The following LRFN2 variants were observed in gnomAD, a reference collection of about 807,000 sequenced individuals.
LRFN2 encodes leucine rich repeat and fibronectin type III domain containing 2, also known as leucine-rich repeat and fibronectin type-III domain-containing protein 2.
Under a neutral mutation model 37.3 loss-of-function variants are expected in LRFN2, and 18 were observed. That is an observed-to-expected ratio of 0.48 (90% CI 0.33 to 0.72). The LOEUF is 0.72. LRFN2 is among the 30% of genes least tolerant of loss of function. The probability of loss-of-function intolerance (pLI) is 0.02; values close to 1 mark genes in which losing one functional copy is unlikely to be tolerated. For synonymous variants in LRFN2, 556 were observed against 466.6 expected, an observed-to-expected ratio of 1.19 and a Z score of -2.47; for missense variants, 1,006 against 1,060.7, an observed-to-expected ratio of 0.95 and a Z score of 0.72.
chr6:40,513,234 ATTT>A (rs199587651), intron 1 of LRFN2, among the ~76,000 whole-genome samples: 1,888 of 144,582 alleles, frequency 0.013, 42 homozygotes, highest in African/African-American at 0.043. Context: ...TCATTTAACA[ATTT>A]TTTTTTTTTT....
chr6:40,514,740 T>C (rs1765811734), intron 1 of LRFN2, among the ~76,000 whole-genome samples: 1 of 152,238 alleles, frequency 6.6e-6, no homozygotes, highest in South Asian at 2.1e-4. Context: ...AATTTCTTGA[T>C]TTAGCCAATT....
At chr6:40,497,268 TG>T (rs1765250986) in intron 1 of LRFN2, among the ~76,000 whole-genome samples, 1 of 152,188 alleles carries the variant, frequency 6.6e-6, no homozygotes, top group Non-Finnish European at 1.5e-5. Flanking sequence ...AACCACTCCC[TG>T]GTTCTCACCC....
chr6:40,539,231 C>T (rs1458310672), intron 1 of LRFN2, among the ~76,000 whole-genome samples: 4 of 152,160 alleles, frequency 2.6e-5, no homozygotes, highest in Non-Finnish European at 5.9e-5. Context: ...CTGGAGCCTT[C>T]CTAAACAGAG....
chr6:40,497,526 A>G (rs1302187017), intron 1 of LRFN2, among the ~76,000 whole-genome samples: 2 of 152,112 alleles, frequency 1.3e-5, no homozygotes, highest in Non-Finnish European at 2.9e-5. Context: ...TTTCTCAGGC[A>G]CCCGTTACCA....
chr6:40,453,546 A>G (rs952019033), intron 1 of LRFN2, among the ~76,000 whole-genome samples: 9 of 149,598 alleles, frequency 6.0e-5, no homozygotes, highest in African/African-American at 2.3e-4. Flanking sequence ...ACACACACAC[A>G]CACACACACC....
intron 2 of LRFN2, among the ~76,000 whole-genome samples, chr6:40,425,571 C>A (rs1467150896): frequency 1.3e-5 from 2 of 152,222 alleles, no homozygotes; most frequent in Non-Finnish European, 2.9e-5. Flanking sequence ...CTTCCCCTAC[C>A]CCTCATTGAC....
At chr6:40,485,051 G>A (rs528095523) in intron 1 of LRFN2, among the ~76,000 whole-genome samples, 8 of 152,200 alleles carry the variant, frequency 5.3e-5, no homozygotes, top group Non-Finnish European at 8.8e-5. Flanking sequence ...GTCATCACAC[G>A]CCAACCTTGT....
intron 2 of LRFN2, among the ~76,000 whole-genome samples, chr6:40,422,341 C>A (rs1581692787): frequency 1.3e-5 from 2 of 152,126 alleles, no homozygotes; most frequent in Admixed American, 6.5e-5. Context: ...CTGTCCAAAC[C>A]CCTGATTTCA....
chr6:40,520,644 C>CT (rs1436676423), intron 1 of LRFN2, among the ~76,000 whole-genome samples: 1 of 152,152 alleles, frequency 6.6e-6, no homozygotes, highest in African/African-American at 2.4e-5. Flanking sequence ...GGAGGACGAG[C>CT]AGCTGGCTTT....
chr6:40,460,267 A>G (rs1228996861), intron 1 of LRFN2, among the ~76,000 whole-genome samples: 1 of 152,064 alleles, frequency 6.6e-6, no homozygotes, highest in Non-Finnish European at 1.5e-5. Context: ...AAAATCAGTC[A>G]CCAGGGTTCT....
intron 1 of LRFN2, among the ~76,000 whole-genome samples, chr6:40,487,344 G>A (rs1371411084): frequency 6.6e-6 from 1 of 152,132 alleles, no homozygotes; most frequent in Middle Eastern, 3.2e-3. Context: ...GGCTTCACCT[G>A]AGCTCCAGAC....
In LRFN2 at chr6:40,431,800, G is replaced by A. The variant is rs752194174; in HGVS notation, c.1314C>T (p.Val438=). ...GTGCTGACTTGCTGACAGACCACTTGACCAGGGCCGAGGTGGTGGTCACTT... is the reference window on the plus strand; with the variant it reads ...GTGCTGACTTGCTGACAGACCACTTAACCAGGGCCGAGGTGGTGGTCACTT... The part of the protein sequence containing the change: ...VSEVTTTSAL[V]KWSVSKSAPR... The change falls in exon 2 of 3, where the codon GTC becomes GTT. Residue 438 remains valine (V), a synonymous_variant. Transcript: ENST00000338305. The A allele has an allele frequency of 6.5e-6, 10 of 1,543,794 alleles. No individual in the cohort carries two copies. The highest frequency in any genetic ancestry group is 7.9e-6 in the Non-Finnish European group (9 of 1,144,446).
At position 40,487,147 on chromosome 6, in the gene LRFN2, G is replaced by A. The variant is rs564457944; in HGVS notation, c.-18-54016C>T. On this transcript the variant is annotated intron_variant, in intron 1 of 2. Transcript: ENST00000338305. ...AGACCACCAGGGGCCAGCCATGCCA[G>A]GGATTAATTCTGGGTCCCCTTCCTC... Among the ~76,000 whole-genome samples, 6 of 152,324 alleles carry A rather than the reference G, an allele frequency of 3.9e-5. No homozygotes were observed. The South Asian group carries it at 1.2e-3, about 32-fold the overall frequency.
At chr6:40,525,282 C>T (rs1328779034) in intron 1 of LRFN2, among the ~76,000 whole-genome samples, 1 of 152,208 alleles carries the variant, frequency 6.6e-6, no homozygotes, top group Non-Finnish European at 1.5e-5. Context: ...AAGGGCGGCC[C>T]TGCTGCAGGC....
intron 1 of LRFN2, among the ~76,000 whole-genome samples, chr6:40,583,046 T>TA (rs1767433402): frequency 6.6e-6 from 1 of 152,128 alleles, no homozygotes; most frequent in African/African-American, 2.4e-5. Context: ...AACTAACACT[T>TA]ACCTCTGTTA....
chr6:40,412,798 GT>G (rs1231980057), intron 2 of LRFN2, among the ~76,000 whole-genome samples: 1 of 152,164 alleles, frequency 6.6e-6, no homozygotes, highest in African/African-American at 2.4e-5. Context: ...AGAGCAAACA[GT>G]AAACACAATT....
chr6:40,423,956 C>T (rs924347675), intron 2 of LRFN2, among the ~76,000 whole-genome samples: 1 of 152,172 alleles, frequency 6.6e-6, no homozygotes, highest in Non-Finnish European at 1.5e-5. Flanking sequence ...AAATTCCCTT[C>T]CACTGGTCTT....
intron 1 of LRFN2, among the ~76,000 whole-genome samples, chr6:40,573,207 G>C (rs989119436): frequency 1.7e-4 from 26 of 152,180 alleles, no homozygotes; most frequent in Non-Finnish European, 3.8e-4. Flanking sequence ...CTATAGAACA[G>C]GTTTAAAAGT....
intron 1 of LRFN2, among the ~76,000 whole-genome samples, chr6:40,504,758 T>C (rs1765485668): frequency 6.6e-6 from 1 of 152,190 alleles, no homozygotes; most frequent in South Asian, 2.1e-4. Context: ...TCCAGCCCTT[T>C]TCAATTTCCA....
Sources: gnomAD v4.1 joint callset for allele counts (sites outside exome capture counted in the v4.1 genomes callset) on GRCh38, gnomAD v4.1.1 for gene constraint, MANE v1.5 for transcripts, NCBI Gene and HGNC (gene_info 2026-07-23, HGNC 2026-07-21) for gene names.